The following SYF2 variants were observed in gnomAD, a reference collection of about 807,000 sequenced individuals.
SYF2 encodes SYF2 pre-mRNA splicing factor, also known as pre-mRNA-splicing factor SYF2.
In SYF2, 21 loss-of-function variants were observed where a neutral mutation model predicts 32.7. The ratio of observed to expected loss-of-function variants is 0.64; its 90% confidence interval spans 0.45 to 0.92. The LOEUF (loss-of-function observed/expected upper bound fraction) is 0.92, where lower values mean the gene tolerates loss of function less well. SYF2 is among the 40% of genes least tolerant of loss of function. The pLI is 0.00. For synonymous variants in SYF2, 114 were observed against 103.9 expected (o/e 1.10, Z -0.59); for missense variants, 278 against 296.5 (o/e 0.94, Z 0.46).
Position 25,232,285 on chromosome 1 carries a change from C to T in SYF2, c.25-74G>A, listed in dbSNP as rs569530821. ...AGGACTGCCCAGGCCGAGTCCCCGC[C>T]GGTCCCCACAGGCTGGGCCTAGGGC... On this transcript the variant is annotated intron_variant, in intron 1 of 6. Coordinates refer to ENST00000236273, the MANE Select transcript of SYF2 (RefSeq NM_015484.5). The T allele has an allele frequency of 1.2e-4, 196 of 1,581,216 alleles. 1 individual carries two copies. In the African/African-American group the frequency reaches 2.4e-3, roughly 19 times the overall value.
chr1:25,227,587 T>C (rs1289864108), intron 4 of SYF2, 55 bp from the exon 5 acceptor site: 20 of 1,489,292 alleles, frequency 1.3e-5, no homozygotes, highest in Non-Finnish European at 1.7e-5. Flanking sequence ...TGGACCTTCC[T>C]ATTGAGAGAA....
At chr1:25,226,110 T>C (rs948003017) in intron 5 of SYF2, among the ~76,000 whole-genome samples, 1 of 151,594 alleles carries the variant, frequency 6.6e-6, no homozygotes, top group Admixed American at 6.6e-5. Context: ...ATTGCACCAC[T>C]GCACTCCAGC....
At chr1:25,229,353 G>A (rs1638581938) in intron 2 of SYF2, among the ~76,000 whole-genome samples, 1 of 152,218 alleles carries the variant, frequency 6.6e-6, no homozygotes, top group African/African-American at 2.4e-5. Context: ...TGCTGTTCCA[G>A]AGCCCTGGAG....
intron 2 of SYF2, 36 bp from the exon 3 acceptor site, chr1:25,229,159 C>G: frequency 6.2e-7 from 1 of 1,601,976 alleles, no homozygotes; most frequent in Non-Finnish European, 8.5e-7. Flanking sequence ...TCAGCTAAAA[C>G]ATGAAAATAA....
intron 4 of SYF2, 56 bp from the exon 5 acceptor site, chr1:25,227,588 AT>A (rs200794956): frequency 0.035 from 51,665 of 1,481,776 alleles, 1,098 homozygotes; most frequent in Middle Eastern, 0.048. Context: ...GGACCTTCCT[AT>A]TGAGAGAAAA....
In SYF2 at chr1:25,223,231, C is replaced by A. The variant is rs1449856858; in HGVS notation, c.*35G>T. The A allele has an allele frequency of 4.6e-6, 7 of 1,538,458 alleles. 1 individual carries two copies. The highest frequency in any genetic ancestry group is 2.1e-5 in the Admixed American group (1 of 47,630). On this transcript the variant is annotated 3_prime_UTR_variant, in exon 7 of 7. Coordinates refer to ENST00000236273, the MANE Select transcript of SYF2 (RefSeq NM_015484.5). ...ATTTTGCTAGCAGAAATTTTTACCC[C>A]ATTCTCAAGCTTCTATAAACAGTTC...
intron 5 of SYF2, among the ~76,000 whole-genome samples, chr1:25,226,002 A>T (rs1638503927): frequency 6.6e-6 from 1 of 150,378 alleles, no homozygotes; most frequent in Admixed American, 6.6e-5. Flanking sequence ...CTAAAAATAC[A>T]AAAAAATTAG....
rs1368314805 is a variant in SYF2 at position 25,229,123 on chromosome 1, T to C, written c.133A>G (p.Asn45Asp). ...TGGTGATTTAATTTACGAGCTTCAT[T>C]CTAAAACCGTAACACAAGAAGTCTG... ...RKFRELHLMR[N>D]EARKLNHQEV... The change falls in exon 3 of 7, where the codon AAT (asparagine) becomes GAT (aspartate). Residue 45 changes from asparagine (N) to aspartate (D), a missense_variant and splice_region_variant. Physicochemically the swap from Asn to Asp is conservative, Grantham distance 23. Transcript: ENST00000236273. The C allele has an allele frequency of 6.2e-7, 1 of 1,610,790 alleles. No individual in the cohort carries two copies. Among genetic ancestry groups the C allele is most frequent in the African/African-American group, 1.3e-5 (1 of 74,692 alleles).
chr1:25,223,150 G>A lies in SYF2; in HGVS notation c.*116C>T, dbSNP rs1005313398. 1.1e-6 allele frequency: 1 copy of A among 893,922 alleles called. No individual in the cohort carries two copies. The highest frequency in any genetic ancestry group is 1.7e-5 in the African/African-American group (1 of 60,140). 55.4% of individuals were successfully genotyped at this position (893,922 alleles called of 1,614,324 possible). A position where few individuals can be genotyped will look rare whatever the true frequency, so the allele number is the denominator to read the frequency against. ...ACATTTTTATTTCTAAATGCTGAGT[G>A]AGAAGGCATGGACTACTAAATTCTG... On this transcript the variant is annotated 3_prime_UTR_variant, in exon 7 of 7. Transcript: ENST00000236273.
At chr1:25,224,960 A>G in intron 6 of SYF2, 42 bp downstream of exon 6, 1 of 1,364,832 alleles carries the variant, frequency 7.3e-7, no homozygotes, top group Middle Eastern at 1.8e-4. Flanking sequence ...GCATTTTGTC[A>G]TGAAGTATTT....
chr1:25,226,075 G>T (rs1177092770), intron 5 of SYF2, among the ~76,000 whole-genome samples: 1 of 152,010 alleles, frequency 6.6e-6, no homozygotes, highest in Non-Finnish European at 1.5e-5. Flanking sequence ...TTGAACCCAG[G>T]AGGCGGAGGC....
chr1:25,224,979 A>T (rs1638476661), intron 6 of SYF2, 23 bp downstream of exon 6: 4 of 1,537,510 alleles, frequency 2.6e-6, no homozygotes, highest in Non-Finnish European at 3.6e-6. Context: ...TTACAACGTC[A>T]AGCTGCTCTA....
chr1:25,231,708 AG>A (rs1469922081), intron 2 of SYF2: 1 of 189,314 alleles, frequency 5.3e-6, no homozygotes, highest in Non-Finnish European at 1.1e-5. Context: ...TTCTGACAGA[AG>A]ATTATTATTT....
chr1:25,228,663 G>A (rs1006809442), intron 3 of SYF2, among the ~76,000 whole-genome samples: 21 of 152,080 alleles, frequency 1.4e-4, no homozygotes, highest in Non-Finnish European at 1.8e-4. Context: ...AGGAAATTTG[G>A]GAATATACTA....
intron 6 of SYF2, among the ~76,000 whole-genome samples, 170 bp downstream of exon 6, chr1:25,224,832 C>A (rs1434704360): frequency 6.6e-6 from 1 of 152,182 alleles, no homozygotes; most frequent in African/African-American, 2.4e-5. Flanking sequence ...ATTCAACCCA[C>A]ACTTGCTATC....
At position 25,222,972 on chromosome 1, in the gene SYF2, A is replaced by G. The variant is rs1638437661; in HGVS notation, c.*294T>C. 5.1e-6 allele frequency: 1 copy of G among 194,402 alleles called. No individual in the cohort carries two copies. The highest frequency in any genetic ancestry group is 1.2e-4 in the South Asian group (1 of 8,270). 12.0% of individuals were successfully genotyped at this position (194,402 alleles called of 1,614,324 possible). On this transcript the variant is annotated 3_prime_UTR_variant, in exon 7 of 7. Transcript: ENST00000236273. ...TTAAGCCCAAAATGCTTCAAAGATT[A>G]AACAGCCATATACATTTAAAATACA...
At chr1:25,229,385 A>G (rs1052272109) in intron 2 of SYF2, among the ~76,000 whole-genome samples, 6 of 152,180 alleles carry the variant, frequency 3.9e-5, no homozygotes, top group Admixed American at 2.0e-4. Flanking sequence ...CTTTGCCTCT[A>G]TTGAGTTGTG....
At chr1:25,228,024 G>A (rs182990475) in intron 4 of SYF2, 94 bp downstream of exon 4, 26 of 982,682 alleles carry the variant, frequency 2.6e-5, no homozygotes, top group Admixed American at 6.2e-5. Context: ...AATATCCCAC[G>A]AAGCACAAGA....
intron 4 of SYF2, 97 bp from the exon 5 acceptor site, chr1:25,227,629 A>C (rs1438013535): frequency 9.3e-7 from 1 of 1,076,446 alleles, no homozygotes; most frequent in Non-Finnish European, 1.3e-6. Flanking sequence ...AGTATCTTTT[A>C]TCCAAAACGC....
Sources: allele counts gnomAD v4.1 joint callset (sites outside exome capture counted in the v4.1 genomes callset), GRCh38; gene constraint gnomAD v4.1.1; transcripts MANE v1.5; gene names NCBI Gene and HGNC (gene_info 2026-07-23, HGNC 2026-07-21).